The following ADH1B variants were observed in gnomAD, a reference collection of about 807,000 sequenced individuals.
ADH1B encodes all-trans-retinol dehydrogenase [NAD(+)] ADH1B.
Under a neutral mutation model 34.6 loss-of-function variants are expected in ADH1B, and 29 were observed. The observed-to-expected ratio is 0.84, with a 90% CI of 0.62 to 1.14. The LOEUF is 1.14. ADH1B is among the 50% of genes most tolerant of loss of function. The pLI is 0.00. For synonymous variants in ADH1B, 170 were observed against 175.5 expected (o/e 0.97, Z 0.25); for missense variants, 424 against 468.4 (o/e 0.91, Z 0.87).
At chr4:99,320,926 A>C in intron 1 of ADH1B, 5 of 1,260,140 alleles carry the variant, frequency 4.0e-6, no homozygotes, top group Non-Finnish European at 5.1e-6. Context: ...TGTGTTCATA[A>C]AAAATTTGAA....
At chr4:99,313,016 C>CT (rs1033605292) in intron 6 of ADH1B, among the ~76,000 whole-genome samples, 2 of 150,302 alleles carry the variant, frequency 1.3e-5, no homozygotes, top group Non-Finnish European at 3.0e-5. Flanking sequence ...GTTGACTTTT[C>CT]TTTTTTTTCT....
At chr4:99,317,830 T>C (rs1214854354) in intron 3 of ADH1B, 6 of 661,724 alleles carry the variant, frequency 9.1e-6, no homozygotes, top group Non-Finnish European at 1.4e-5. Flanking sequence ...TAGTAGATAC[T>C]CGGTACATAA....
intron 3 of ADH1B, chr4:99,316,866 A>C (rs1020728524): frequency 4.6e-5 from 7 of 152,086 alleles, no homozygotes; most frequent in Non-Finnish European, 8.8e-5. Flanking sequence ...GAGAAAAACA[A>C]AAATGGGACA....
At chr4:99,319,183 TGCC>T (rs1733960543) in intron 1 of ADH1B, 1 of 441,830 alleles carries the variant, frequency 2.3e-6, no homozygotes, top group Non-Finnish European at 4.2e-6. Context: ...TATTTCCTAA[TGCC>T]GTCCTGAAAA....
chr4:99,307,188 A>G lies in ADH1B; in HGVS notation c.*652T>C, dbSNP rs1733629531. The G allele has an allele frequency of 2.6e-5, 4 of 152,226 alleles. No individual in the cohort carries two copies. The highest frequency in any genetic ancestry group is 2.6e-4 in the Admixed American group (4 of 15,284). 9.4% of individuals were successfully genotyped at this position (152,226 alleles called of 1,614,324 possible). On this transcript the variant is annotated 3_prime_UTR_variant, in exon 9 of 9. Coordinates refer to ENST00000305046, the MANE Select transcript of ADH1B (RefSeq NM_000668.6). The stretch of plus-strand genomic sequence containing the variant: ...AAGAAATCTGCTATTATTTTAAAAA[A>G]TCAATTGTATATCGACCATAAAGAA...
intron 3 of ADH1B, 129 bp from the exon 4 acceptor site, chr4:99,316,431 T>C: frequency 3.1e-6 from 3 of 958,438 alleles, no homozygotes; most frequent in South Asian, 1.7e-5. Context: ...AGTTCAATAA[T>C]AACTATGTCA....
At chr4:99,311,682 C>T in intron 6 of ADH1B, 26 bp from the exon 7 acceptor site, 1 of 1,611,936 alleles carries the variant, frequency 6.2e-7, no homozygotes, top group Non-Finnish European at 8.5e-7. Flanking sequence ...TATTTAGCAT[C>T]CTTAACGTGG....
At chr4:99,310,695 T>A in intron 8 of ADH1B, 70 bp downstream of exon 8, 1 of 1,542,582 alleles carries the variant, frequency 6.5e-7, no homozygotes. Flanking sequence ...TTTCCACCTT[T>A]TTCATTCTCT....
At chr4:99,317,126 A>T (rs1733905459) in intron 3 of ADH1B, 1 of 152,170 alleles carries the variant, frequency 6.6e-6, no homozygotes, top group Admixed American at 6.5e-5. Context: ...TTCTGTTCAC[A>T]GTTTAAATTG....
intron 1 of ADH1B, chr4:99,319,239 A>T (rs1166845789): frequency 2.9e-6 from 1 of 346,494 alleles, no homozygotes. Flanking sequence ...TGAAGTTAGA[A>T]GTCACCTTTA....
At chr4:99,311,792 TC>T (rs1479006298) in intron 6 of ADH1B, 136 bp from the exon 7 acceptor site, 2 of 1,371,742 alleles carry the variant, frequency 1.5e-6, no homozygotes, top group African/African-American at 1.4e-5. Flanking sequence ...GATCCTTCAT[TC>T]CCCTTTTTTG....
At position 99,307,767 on chromosome 4, in the gene ADH1B, C is replaced by T; in HGVS notation, c.*73G>A. The stretch of plus-strand genomic sequence containing the variant: ...CTGAAGAGCTGAATTAATGATATTT[C>T]CTAGCTGTTGCTCCAGATCTTGTAG... On this transcript the variant is annotated 3_prime_UTR_variant, in exon 9 of 9. Coordinates refer to ENST00000305046, the MANE Select transcript of ADH1B (RefSeq NM_000668.6). The T allele has an allele frequency of 6.5e-7, 1 of 1,537,656 alleles. No individual in the cohort carries two copies. The highest frequency in any genetic ancestry group is 9.0e-7 in the Non-Finnish European group (1 of 1,111,744).
chr4:99,318,638 T>C, intron 2 of ADH1B, 147 bp downstream of exon 2: 1 of 786,398 alleles, frequency 1.3e-6, no homozygotes, highest in Non-Finnish European at 2.0e-6. Flanking sequence ...AATTTATATT[T>C]ATACCTTTCC....
Position 99,305,271 on chromosome 4 carries a change from A to G in ADH1B, c.*2569T>C, listed in dbSNP as rs1313627891. The G allele has an allele frequency of 1.3e-5, 2 of 149,454 alleles. No homozygotes were observed. The highest frequency in any genetic ancestry group is 3.0e-5 in the Non-Finnish European group (2 of 67,494). The allele number at this position is 149,454 out of a possible 1,614,324, so 9.3% of individuals were successfully genotyped here. ...AATTTTTCTCCATGCTCAGAATTTC[A>G]TTTTAAATATGTTCGTGATATTATT... On this transcript the variant is annotated 3_prime_UTR_variant, in exon 9 of 9. Transcript: ENST00000305046.
At chr4:99,310,974 A>C (rs1056426174) in intron 7 of ADH1B, 71 bp from the exon 8 acceptor site, 3 of 1,561,468 alleles carry the variant, frequency 1.9e-6, no homozygotes, top group Non-Finnish European at 2.6e-6. Context: ...AGATTTTCCA[A>C]ATAAATCAAA....
rs199926877 is a variant in ADH1B, at chr4:99,318,048, G to C, written c.257C>G (p.Pro86Arg). The change falls in exon 3 of 9, where the codon CCA becomes CGA. Residue 86 changes from proline (P) to arginine (R), a missense_variant and splice_region_variant. By Grantham distance (103) the Pro-to-Arg change is moderately radical (BLOSUM62 -2). This residue lies in a region of ADH1B where 291 missense variants were observed against 300.4 expected (regional missense o/e 0.97). Transcript: ENST00000305046. ...SVGEGVTTVK[P>R]GDKVIPLFTP... ...TTCCCTGAGTGTGAATCCTGTACCT[G>C]GTTTGACTGTAGTCACCCCTTCTCC... 118 of 1,613,946 alleles carry C rather than the reference G, an allele frequency of 7.3e-5. No homozygotes were observed. The highest frequency in any genetic ancestry group is 1.7e-4 in the Middle Eastern group (1 of 6,060).
At chr4:99,311,380 A>G in intron 7 of ADH1B, 141 bp downstream of exon 7, 1 of 1,085,264 alleles carries the variant, frequency 9.2e-7, no homozygotes, top group Non-Finnish European at 1.3e-6. Flanking sequence ...GTAGATAGAA[A>G]AGGAATTTAA....
At chr4:99,312,467 C>T (rs1470251617) in intron 6 of ADH1B, among the ~76,000 whole-genome samples, 1 of 152,166 alleles carries the variant, frequency 6.6e-6, no homozygotes, top group Non-Finnish European at 1.5e-5. Flanking sequence ...GGGTGCCACT[C>T]CCTGTTACCC....
intron 6 of ADH1B, among the ~76,000 whole-genome samples, chr4:99,312,732 A>C (rs1733784090): frequency 6.6e-6 from 1 of 152,072 alleles, no homozygotes; most frequent in Non-Finnish European, 1.5e-5. Flanking sequence ...TTGTGCCTAT[A>C]CTCTCAGCAT....
Sources: gnomAD v4.1 joint callset for allele counts (sites outside exome capture counted in the v4.1 genomes callset) on GRCh38, gnomAD v4.1.1 for gene constraint, gnomAD v4.1.1 regional missense constraint, MANE v1.5 for transcripts, NCBI Gene and HGNC (gene_info 2026-07-23, HGNC 2026-07-21) for gene names.